The following PAM variants were observed in gnomAD, a reference collection of about 807,000 sequenced individuals.
The protein encoded by PAM is peptidyl-glycine alpha-amidating monooxygenase.
PAM carries 72 observed loss-of-function variants against 122.1 expected under a neutral mutation model. That is an observed-to-expected ratio of 0.59 (90% CI 0.49 to 0.72). The LOEUF is 0.72. Ranked by LOEUF, PAM falls within the 30% of genes least tolerant of loss-of-function variation. The pLI is 0.00. For missense variants in PAM, 1,106 were observed against 1,183.7 expected (o/e 0.93, Z 0.96); for synonymous variants, 389 against 404.4 (o/e 0.96, Z 0.46).
chr5:102,803,104 C>T (rs546870559), intron 1 of PAM, among the ~76,000 whole-genome samples: 1 of 147,060 alleles, frequency 6.8e-6, no homozygotes, highest in Non-Finnish European at 1.5e-5. Context: ...GCCTGGGCAA[C>T]AGAGAGAGAT....
chr5:102,772,410 T>A (rs1561402587), intron 1 of PAM, among the ~76,000 whole-genome samples: 1 of 152,128 alleles, frequency 6.6e-6, no homozygotes, highest in Non-Finnish European at 1.5e-5. Flanking sequence ...GTCTTCCTCA[T>A]CCTGATTCTT....
At chr5:102,869,330 A>T (rs926198870) in intron 3 of PAM, among the ~76,000 whole-genome samples, 1 of 152,340 alleles carries the variant, frequency 6.6e-6, no homozygotes, top group Non-Finnish European at 1.5e-5. Flanking sequence ...TGAATTCATG[A>T]GGGAGCCATG....
chr5:102,809,227 G>A (rs575515354), intron 1 of PAM, among the ~76,000 whole-genome samples: 1 of 151,940 alleles, frequency 6.6e-6, no homozygotes, highest in Non-Finnish European at 1.5e-5. Context: ...TGTGAAGAAT[G>A]TAATACTTGG....
At chr5:102,972,234 C>A (rs540417890) in intron 14 of PAM, among the ~76,000 whole-genome samples, 2 of 152,224 alleles carry the variant, frequency 1.3e-5, no homozygotes, top group Admixed American at 6.5e-5. Context: ...GAGAGAGACC[C>A]TGTCTCAATA....
intron 11 of PAM, 134 bp from the exon 12 acceptor site, chr5:102,950,583 T>A (rs1346181072): frequency 3.3e-6 from 2 of 602,998 alleles, no homozygotes; most frequent in African/African-American, 3.7e-5. Flanking sequence ...AAGCATTTGA[T>A]AAAATTCAAC....
intron 24 of PAM, among the ~76,000 whole-genome samples, chr5:103,026,454 A>C (rs1465617498): frequency 2.0e-5 from 3 of 152,188 alleles, no homozygotes; most frequent in African/African-American, 7.2e-5. Context: ...ATTAGACTTT[A>C]TTTTGCTTTT....
At chr5:102,867,720 A>T (rs1412153540) in intron 3 of PAM, among the ~76,000 whole-genome samples, 3 of 152,238 alleles carry the variant, frequency 2.0e-5, no homozygotes, top group Non-Finnish European at 4.4e-5. Flanking sequence ...ATGAAAAATT[A>T]TTCTAATAAA....
chr5:102,938,224 C>CA (rs1753918758), intron 7 of PAM, among the ~76,000 whole-genome samples: 1 of 152,150 alleles, frequency 6.6e-6, no homozygotes, highest in Non-Finnish European at 1.5e-5. Flanking sequence ...TAGCTTGCTG[C>CA]ATTTCAACTT....
At chr5:102,978,952 A>G (rs1768716351) in intron 15 of PAM, among the ~76,000 whole-genome samples, 1 of 151,980 alleles carries the variant, frequency 6.6e-6, no homozygotes, top group Admixed American at 6.6e-5. Context: ...CCGAAATTCC[A>G]CAGCTCAAGA....
intron 3 of PAM, among the ~76,000 whole-genome samples, chr5:102,898,953 C>T (rs1184021760): frequency 1.3e-5 from 2 of 151,540 alleles, no homozygotes; most frequent in Non-Finnish European, 3.0e-5. Flanking sequence ...GTCTGTAATA[C>T]CTACCGAATA....
At chr5:102,906,433 C>T (rs1799573654) in intron 4 of PAM, among the ~76,000 whole-genome samples, 1 of 151,444 alleles carries the variant, frequency 6.6e-6, no homozygotes, top group Non-Finnish European at 1.5e-5. Context: ...TTTGAATATG[C>T]AAAGGGGTGA....
At chr5:102,856,523 C>G (rs1782667533) in intron 1 of PAM, among the ~76,000 whole-genome samples, 1 of 151,960 alleles carries the variant, frequency 6.6e-6, no homozygotes, top group Admixed American at 6.6e-5. Context: ...TAAAATATGC[C>G]AGCATTGAAT....
chr5:102,883,502 G>T (rs1791978624), intron 3 of PAM, among the ~76,000 whole-genome samples: 1 of 151,858 alleles, frequency 6.6e-6, no homozygotes, highest in Non-Finnish European at 1.5e-5. Flanking sequence ...TCCTTGATTT[G>T]ATTCTCAGCT....
chr5:103,004,723 C>T (rs747911483), intron 17 of PAM, among the ~76,000 whole-genome samples: 45 of 152,228 alleles, frequency 3.0e-4, no homozygotes, highest in Non-Finnish European at 5.3e-4. Context: ...AGTTATATGT[C>T]TAATAGTTTA....
intron 1 of PAM, among the ~76,000 whole-genome samples, chr5:102,805,839 G>A (rs760693467): frequency 7.2e-5 from 11 of 152,190 alleles, no homozygotes; most frequent in African/African-American, 1.2e-4. Context: ...CCTGGAATTA[G>A]GGAATGGAGG....
chr5:102,830,586 G>A (rs922587298), intron 1 of PAM, among the ~76,000 whole-genome samples: 2 of 152,178 alleles, frequency 1.3e-5, no homozygotes, highest in Non-Finnish European at 2.9e-5. Context: ...TGGGTATTAA[G>A]CTGGAGTGGT....
At chr5:103,020,937 A>G (rs1380170076) in intron 23 of PAM, among the ~76,000 whole-genome samples, 1 of 152,172 alleles carries the variant, frequency 6.6e-6, no homozygotes, top group Admixed American at 6.5e-5. Flanking sequence ...ACACTCATAT[A>G]CTAAAGAAGG....
chr5:102,984,768 TGGAGAATGCAC>T (rs1771176202), intron 15 of PAM, among the ~76,000 whole-genome samples: 1 of 152,158 alleles, frequency 6.6e-6, no homozygotes, highest in Non-Finnish European at 1.5e-5. Context: ...ATCTAACAGC[TGGAGAATGCAC>T]ATTCTTTTTA....
intron 21 of PAM, 86 bp from the exon 22 acceptor site, chr5:103,017,248 G>C (rs1334109157): frequency 1.2e-6 from 1 of 866,508 alleles, no homozygotes; most frequent in Admixed American, 1.9e-5. Flanking sequence ...TTGTTTTGTT[G>C]TGGGCTTTGC....
Sources: gnomAD v4.1 joint callset for allele counts (sites outside exome capture counted in the v4.1 genomes callset) on GRCh38, gnomAD v4.1.1 for gene constraint, MANE v1.5 for transcripts, NCBI Gene and HGNC (gene_info 2026-07-23, HGNC 2026-07-21) for gene names.